TAB2: variants seen among roughly 807,000 people sequenced by gnomAD.
TAB2 encodes TGF-beta activated kinase 1 (MAP3K7) binding protein 2, also known as TGF-beta-activated kinase 1 and MAP3K7-binding protein 2.
In TAB2, 3 loss-of-function variants were observed where a neutral mutation model predicts 65.0. That is an observed-to-expected ratio of 0.05 (90% confidence interval 0.02 to 0.12). The LOEUF is 0.12. TAB2 is among the 10% of genes least tolerant of loss of function. The pLI, the probability that TAB2 is intolerant of heterozygous loss-of-function variation, is 1.00. For missense variants in TAB2, 623 were observed against 840.3 expected, an observed-to-expected ratio of 0.74 and a Z score of 3.20; for synonymous variants, 298 against 285.1, an observed-to-expected ratio of 1.05 and a Z score of -0.46.
chr6:149,332,288 G>A lies in TAB2; in HGVS notation c.-90+14273G>A, dbSNP rs75429931. 2.8e-4 allele frequency among the ~76,000 whole-genome samples: 43 copies of A among 152,264 alleles called. 3 individuals are homozygous for A. In the East Asian group the frequency reaches 8.3e-3, roughly 29 times the overall value. ...TCAGACTAGAAATATGAATTTGGGA[G>A]TATCAGTGGAGTTGATGTGAAAGAA... On this transcript the variant is annotated intron_variant, in intron 1 of 6. Coordinates refer to ENST00000637181, the MANE Select transcript of TAB2 (RefSeq NM_001292034.3).
At chr6:149,253,964 AAGAAAGAAAGAAAGAAAGAAAGAAAG>A (rs1777923191) in intron 1 of TAB2, among the ~76,000 whole-genome samples, 6 of 83,226 alleles carry the variant, frequency 7.2e-5, no homozygotes, top group Non-Finnish European at 1.3e-4. Context: ...AAGAAAAAGA[AAGAAAGAAAGAAAGAAAGAAAGAAAG>A]AAAGAAAGAA....
rs535562408 is a variant in TAB2, at chr6:149,379,274, G to A, written c.1359G>A (p.Val453=). The change falls in exon 3 of 7, where the codon GTG becomes GTA. Residue 453 remains valine, a synonymous_variant. Coordinates refer to ENST00000637181, the MANE Select transcript of TAB2 (RefSeq NM_001292034.3). ...ATAACTCTGCAACCTCTCCTCGAGT[G>A]GTAGTCACTCAGCCCAATACGAAAT... is the stretch of plus-strand genomic sequence containing the variant. ...IGNNSATSPR[V]VVTQPNTKYT... is the part of the protein sequence containing the mutation. 10 of 1,614,154 alleles carry A rather than the reference G, an allele frequency of 6.2e-6. No individual in the cohort carries two copies. In the East Asian group the frequency reaches 1.3e-4, roughly 22 times the overall value.
chr6:149,235,430 G>A (rs1777478003), intron 1 of TAB2, among the ~76,000 whole-genome samples: 1 of 152,230 alleles, frequency 6.6e-6, no homozygotes, highest in Admixed American at 6.5e-5. Flanking sequence ...CCTATTAAAA[G>A]GGGATCCTAT....
intron 1 of TAB2, chr6:149,247,209 TCC>T (rs1469977459): frequency 6.6e-6 from 1 of 152,300 alleles, no homozygotes; most frequent in African/African-American, 2.4e-5. Flanking sequence ...TCCCACCACA[TCC>T]CTGGTGCCCT....
chr6:149,405,992 A>G (rs984388519), intron 6 of TAB2, among the ~76,000 whole-genome samples: 3 of 152,222 alleles, frequency 2.0e-5, no homozygotes, highest in Non-Finnish European at 2.9e-5. Flanking sequence ...TACATAAATC[A>G]TCAAGTTGTA....
chr6:149,265,988 A>T (rs1269632036), intron 1 of TAB2, among the ~76,000 whole-genome samples: 1 of 152,202 alleles, frequency 6.6e-6, no homozygotes, highest in Non-Finnish European at 1.5e-5. Flanking sequence ...GGTCCTGAGG[A>T]CCTGAAGCCC....
chr6:149,407,677 T>G (rs1782711639), intron 6 of TAB2, among the ~76,000 whole-genome samples: 1 of 152,164 alleles, frequency 6.6e-6, no homozygotes, highest in Non-Finnish European at 1.5e-5. Flanking sequence ...ATGTAGAGAT[T>G]TTTTTAACAG....
chr6:149,404,609 G>C lies in TAB2; in HGVS notation c.1940-4968G>C, dbSNP rs951519238. ...ATATTGACCAATGGAACAGAATAGA[G>C]AGCCCAGAAATAAATCCATGTGTCT... On this transcript the variant is annotated intron_variant, in intron 6 of 6. Coordinates refer to ENST00000637181, the MANE Select transcript of TAB2 (RefSeq NM_001292034.3). 3.9e-5 allele frequency among the ~76,000 whole-genome samples: 6 copies of C among 152,114 alleles called. 1 individual carries two copies. Among genetic ancestry groups the C allele is most frequent in the African/African-American group, 1.4e-4 (6 of 41,406 alleles).
intron 1 of TAB2, among the ~76,000 whole-genome samples, chr6:149,288,938 A>C (rs1778725468): frequency 6.7e-6 from 1 of 148,238 alleles, no homozygotes. Flanking sequence ...GCTCACTGCA[A>C]CCTCCATCGC....
chr6:149,355,124 A>G (rs1266097117), intron 1 of TAB2, among the ~76,000 whole-genome samples: 1 of 152,156 alleles, frequency 6.6e-6, no homozygotes, highest in Non-Finnish European at 1.5e-5. Flanking sequence ...TAAATCTCCC[A>G]TGATGCGCCG....
intron 1 of TAB2, among the ~76,000 whole-genome samples, chr6:149,345,993 A>G (rs9498325): frequency 6.6e-6 from 1 of 151,946 alleles, no homozygotes; most frequent in Non-Finnish European, 1.5e-5. Context: ...TTCCTCCTAG[A>G]TGGCCATTGA....
At chr6:149,263,024 C>T (rs369183836) in intron 1 of TAB2, among the ~76,000 whole-genome samples, 2 of 152,028 alleles carry the variant, frequency 1.3e-5, no homozygotes, top group African/African-American at 4.8e-5. Flanking sequence ...AGGCCAGTCT[C>T]GAACTCCTGG....
intron 1 of TAB2, among the ~76,000 whole-genome samples, chr6:149,279,914 A>G (rs574022963): frequency 4.5e-4 from 69 of 152,306 alleles, no homozygotes; most frequent in Non-Finnish European, 7.8e-4. Flanking sequence ...AGTTGTTTCC[A>G]GCCAGAGATC....
At chr6:149,364,832 A>AGTCC (rs1214703918) in intron 1 of TAB2, among the ~76,000 whole-genome samples, 2 of 151,464 alleles carry the variant, frequency 1.3e-5, no homozygotes, top group East Asian at 3.9e-4. Flanking sequence ...ATACTCTTAT[A>AGTCC]GTCCTAGAAA....
intron 1 of TAB2, among the ~76,000 whole-genome samples, chr6:149,249,169 C>CAT (rs1562387463): frequency 7.7e-5 from 4 of 51,936 alleles, no homozygotes; most frequent in East Asian, 1.6e-3. Context: ...CACACACACA[C>CAT]GCACACACAC....
intron 1 of TAB2, among the ~76,000 whole-genome samples, chr6:149,287,446 G>T (rs1273380434): frequency 6.7e-6 from 1 of 149,608 alleles, no homozygotes; most frequent in Non-Finnish European, 1.5e-5. Flanking sequence ...TACACATAAA[G>T]TTACAAGGGA....
intron 1 of TAB2, among the ~76,000 whole-genome samples, chr6:149,271,481 A>G (rs1166174184): frequency 6.6e-6 from 1 of 151,982 alleles, no homozygotes; most frequent in Non-Finnish European, 1.5e-5. Context: ...AAGTTAATTC[A>G]CTCTCACTTT....
upstream of TAB2, among the ~76,000 whole-genome samples, chr6:149,313,212 G>T (rs1343512836): frequency 6.6e-6 from 1 of 151,862 alleles, no homozygotes; most frequent in East Asian, 1.9e-4. Flanking sequence ...CACCCAGGCT[G>T]GAATGCAGTG....
At chr6:149,269,822 A>C (rs78329365) in intron 1 of TAB2, among the ~76,000 whole-genome samples, 7,781 of 152,276 alleles carry the variant, frequency 0.051, 233 homozygotes, top group Middle Eastern at 0.1. Context: ...AATGTATCAC[A>C]TTTTGTTTAT....
Sources: gnomAD v4.1 joint callset for allele counts (sites outside exome capture counted in the v4.1 genomes callset) on GRCh38, gnomAD v4.1.1 for gene constraint, MANE v1.5 for transcripts, NCBI Gene and HGNC (gene_info 2026-07-23, HGNC 2026-07-21) for gene names.